The following ST7 variants were observed in gnomAD, a reference collection of about 807,000 sequenced individuals.
ST7 encodes the protein suppression of tumorigenicity 7.
ST7 carries 28 observed loss-of-function variants against 78.7 expected under a neutral mutation model. That is an observed-to-expected ratio of 0.36 (90% CI 0.26 to 0.49). ST7 has a LOEUF of 0.49. ST7 is among the 20% of genes least tolerant of loss of function. The pLI is 0.99. For synonymous variants in ST7, 247 were observed against 249.6 expected (o/e 0.99, Z 0.10); for missense variants, 418 against 696.0 (o/e 0.60, Z 4.49).
intron 1 of ST7, among the ~76,000 whole-genome samples, chr7:117,006,039 A>G (rs1015675185): frequency 6.6e-6 from 1 of 152,226 alleles, no homozygotes; most frequent in African/African-American, 2.4e-5. Context: ...ATAGCAACTC[A>G]TAGCTCATGT....
intron 13 of ST7, among the ~76,000 whole-genome samples, chr7:117,213,969 G>A (rs73714398): frequency 0.053 from 8,020 of 152,126 alleles, 705 homozygotes; most frequent in African/African-American, 0.18. Context: ...CTTCACTAGG[G>A]TATTACACCT....
chr7:116,968,468 G>T, intron 1 of ST7: 1 of 450,556 alleles, frequency 2.2e-6, no homozygotes, highest in South Asian at 1.6e-5. Flanking sequence ...TCAACCTTCT[G>T]ATTATTTCGA....
At chr7:117,078,220 A>C (rs1486423382) in intron 1 of ST7, among the ~76,000 whole-genome samples, 1 of 152,248 alleles carries the variant, frequency 6.6e-6, no homozygotes, top group Non-Finnish European at 1.5e-5. Context: ...ATGTTCATGT[A>C]GTAGTTTTAT....
At chr7:117,106,850 G>T (rs1802016311) in intron 2 of ST7, among the ~76,000 whole-genome samples, 1 of 151,978 alleles carries the variant, frequency 6.6e-6, no homozygotes, top group Non-Finnish European at 1.5e-5. Flanking sequence ...TCGATCTCCT[G>T]ACCTCATGAT....
chr7:117,052,164 CA>C (rs572838629), intron 1 of ST7, among the ~76,000 whole-genome samples: 2 of 146,200 alleles, frequency 1.4e-5, no homozygotes, highest in East Asian at 2.0e-4. Context: ...GATTTAAAAA[CA>C]AAAAAAAAAC....
chr7:117,021,736 A>G (rs1023342352), intron 1 of ST7, among the ~76,000 whole-genome samples: 4 of 152,208 alleles, frequency 2.6e-5, no homozygotes, highest in Admixed American at 2.6e-4. Context: ...GAAGCTTCTC[A>G]TCTCAGACTA....
chr7:117,042,683 T>A (rs1404163706), intron 1 of ST7, among the ~76,000 whole-genome samples: 1 of 152,170 alleles, frequency 6.6e-6, no homozygotes, highest in Non-Finnish European at 1.5e-5. Flanking sequence ...GTAGTCAGAT[T>A]TATAAATTTT....
At chr7:117,026,417 G>A (rs1796184971) in intron 1 of ST7, among the ~76,000 whole-genome samples, 1 of 152,038 alleles carries the variant, frequency 6.6e-6, no homozygotes, top group African/African-American at 2.4e-5. Flanking sequence ...AATTATTAAT[G>A]TTTTTAACAA....
chr7:117,153,965 A>G lies in ST7; in HGVS notation c.963+15433A>G, dbSNP rs1806486833. 4.6e-5 allele frequency among the ~76,000 whole-genome samples: 7 copies of G among 152,296 alleles called. No individual in the cohort carries two copies. The South Asian group carries it at 1.5e-3, about 32-fold the overall frequency. On this transcript the variant is annotated intron_variant, in intron 9 of 15. Transcript: ENST00000323984. ...CTGAAAAGCAAGGGAGAAATTAAAC[A>G]TGCATATGAAAGAGAGGGGATCACT...
At chr7:117,074,467 A>G (rs1470347828) in intron 1 of ST7, among the ~76,000 whole-genome samples, 1 of 152,186 alleles carries the variant, frequency 6.6e-6, no homozygotes, top group East Asian at 1.9e-4. Context: ...GTGCTTTGGC[A>G]GTTAGGAAAA....
chr7:117,036,157 A>T (rs1796885905), intron 1 of ST7, among the ~76,000 whole-genome samples: 1 of 152,070 alleles, frequency 6.6e-6, no homozygotes, highest in Non-Finnish European at 1.5e-5. Context: ...TGGCAAGCTT[A>T]CTCCGCATAT....
chr7:117,164,191 A>G (rs895164963), intron 9 of ST7, among the ~76,000 whole-genome samples: 1 of 152,180 alleles, frequency 6.6e-6, no homozygotes, highest in Non-Finnish European at 1.5e-5. Flanking sequence ...ATTCATCCAC[A>G]TATCTACAGC....
chr7:117,056,500 T>A (rs1369413897), intron 1 of ST7, among the ~76,000 whole-genome samples: 1 of 152,064 alleles, frequency 6.6e-6, no homozygotes, highest in Non-Finnish European at 1.5e-5. Flanking sequence ...CTGAGTGTGG[T>A]GGCACATGCC....
chr7:117,022,758 T>A (rs1374524249), intron 1 of ST7: 1 of 152,224 alleles, frequency 6.6e-6, no homozygotes, highest in Non-Finnish European at 1.5e-5. Flanking sequence ...TCTGATTTCG[T>A]GATTCTTACC....
At chr7:117,149,636 C>T (rs1480609188) in intron 9 of ST7, among the ~76,000 whole-genome samples, 2 of 141,560 alleles carry the variant, frequency 1.4e-5, no homozygotes, top group African/African-American at 5.5e-5. Flanking sequence ...TTTTTTGAGC[C>T]CATTGACATT....
chr7:117,045,219 T>A (rs1405603137), intron 1 of ST7, among the ~76,000 whole-genome samples: 1 of 152,126 alleles, frequency 6.6e-6, no homozygotes, highest in Non-Finnish European at 1.5e-5. Flanking sequence ...GAGAGCTTTT[T>A]CTAACTCCAG....
chr7:117,227,844 G>C (rs1436671768), intron 15 of ST7, among the ~76,000 whole-genome samples: 1 of 152,132 alleles, frequency 6.6e-6, no homozygotes, highest in Non-Finnish European at 1.5e-5. Flanking sequence ...AATTTCAGAA[G>C]ATTATCAGAA....
intron 1 of ST7, chr7:116,956,926 G>T: frequency 3.5e-6 from 1 of 289,570 alleles, no homozygotes; most frequent in Non-Finnish European, 6.7e-6. Flanking sequence ...AGGATGAGGA[G>T]AATTCCATGA....
intron 1 of ST7, among the ~76,000 whole-genome samples, chr7:116,960,172 G>GGGATTCT (rs760246066): frequency 2.0e-5 from 3 of 151,788 alleles, no homozygotes; most frequent in Non-Finnish European, 4.4e-5. Context: ...CAAATACGCT[G>GGGATTCT]GGATTCTTTT....
Sources: gnomAD v4.1 joint callset for allele counts (sites outside exome capture counted in the v4.1 genomes callset) on GRCh38, gnomAD v4.1.1 for gene constraint, MANE v1.5 for transcripts, NCBI Gene and HGNC (gene_info 2026-07-23, HGNC 2026-07-21) for gene names.